KCNIP1: variants seen among roughly 807,000 people sequenced by gnomAD.
KCNIP1 encodes the protein potassium voltage-gated channel interacting protein 1.
In KCNIP1, 18 loss-of-function variants were observed where a neutral mutation model predicts 33.0. The ratio of observed to expected loss-of-function variants is 0.55; its 90% CI spans 0.38 to 0.81. The LOEUF is 0.81. KCNIP1 is among the 30% of genes least tolerant of loss of function. KCNIP1 has a pLI of 0.00. For synonymous variants in KCNIP1, 93 were observed against 98.3 expected, an observed-to-expected ratio of 0.95 and a Z score of 0.32; for missense variants, 238 against 271.6, an observed-to-expected ratio of 0.88 and a Z score of 0.87.
At chr5:170,526,180 G>T (rs1755558954) in intron 1 of KCNIP1, among the ~76,000 whole-genome samples, 1 of 152,268 alleles carries the variant, frequency 6.6e-6, no homozygotes, top group African/African-American at 2.4e-5. Context: ...ACCCTCCTGG[G>T]CACCCCAATA....
chr5:170,606,032 C>G (rs565177333), intron 1 of KCNIP1, among the ~76,000 whole-genome samples: 1 of 152,306 alleles, frequency 6.6e-6, no homozygotes, highest in East Asian at 1.9e-4. Context: ...ACCTCGGCCT[C>G]TCAAAGTGGT....
intron 1 of KCNIP1, among the ~76,000 whole-genome samples, chr5:170,521,302 C>T (rs1459330224): frequency 1.3e-5 from 2 of 152,200 alleles, no homozygotes; most frequent in Admixed American, 1.3e-4. Flanking sequence ...ACATAGTTGA[C>T]ATGGAAGATA....
chr5:170,622,173 G>A (rs143690074), intron 1 of KCNIP1, among the ~76,000 whole-genome samples: 2 of 152,308 alleles, frequency 1.3e-5, no homozygotes, highest in African/African-American at 2.4e-5. Context: ...GGGTGGAGCC[G>A]CGTCCTTCCC....
Position 170,596,768 on chromosome 5 carries a change from G to A in KCNIP1, c.61+92135G>A, listed in dbSNP as rs191412687. Among the ~76,000 whole-genome samples, 40 of 152,246 alleles carry A rather than the reference G, an allele frequency of 2.6e-4. No individual in the cohort carries two copies. The East Asian group carries it at 7.5e-3, about 29-fold the overall frequency. On this transcript the variant is annotated intron_variant, in intron 1 of 7. Coordinates refer to ENST00000328939, the MANE Select transcript of KCNIP1 (RefSeq NM_014592.4). ...GGCCAGAGCTGGAGCTATGATCAGG[G>A]CTAAAATGCATACAGAAAGCACAGA...
chr5:170,710,346 A>T (rs528426578), intron 1 of KCNIP1, among the ~76,000 whole-genome samples: 1 of 152,264 alleles, frequency 6.6e-6, no homozygotes, highest in Non-Finnish European at 1.5e-5. Context: ...TTTTGTATAT[A>T]TTCTGGTTCT....
At chr5:170,405,541 A>G (rs914355430) in intron 1 of KCNIP1, among the ~76,000 whole-genome samples, 3 of 152,194 alleles carry the variant, frequency 2.0e-5, no homozygotes, top group Non-Finnish European at 4.4e-5. Flanking sequence ...GGACTCAGGC[A>G]TCCTTGCAGG....
At chr5:170,451,771 T>TGTGTGTGTGTGTGTG in intron 1 of KCNIP1, among the ~76,000 whole-genome samples, 19 of 50,454 alleles carry the variant, frequency 3.8e-4, no homozygotes, top group African/African-American at 9.3e-4. Flanking sequence ...GTGTGTGTGT[T>TGTGTGTGTGTGTGTG]TGCAGGGGGA....
chr5:170,354,199 G>C (rs753882511), intron 1 of KCNIP1, among the ~76,000 whole-genome samples: 1 of 152,210 alleles, frequency 6.6e-6, no homozygotes, highest in East Asian at 1.9e-4. Context: ...AATGGAGTTG[G>C]TGGTGTGTGG....
chr5:170,706,449 C>G (rs1198090328), intron 1 of KCNIP1, among the ~76,000 whole-genome samples: 1 of 152,206 alleles, frequency 6.6e-6, no homozygotes, highest in South Asian at 2.1e-4. Flanking sequence ...AACTGGAAAA[C>G]TGTATCAATC....
intron 1 of KCNIP1, among the ~76,000 whole-genome samples, chr5:170,419,384 G>A (rs1755418579): frequency 6.6e-6 from 1 of 152,194 alleles, no homozygotes; most frequent in African/African-American, 2.4e-5. Flanking sequence ...CCGGTCCAAT[G>A]CTGTGACCTG....
intron 1 of KCNIP1, among the ~76,000 whole-genome samples, chr5:170,425,505 C>T (rs1561619803): frequency 6.6e-6 from 1 of 152,108 alleles, no homozygotes; most frequent in Non-Finnish European, 1.5e-5. Context: ...TTGGGGTTCC[C>T]TGTATTCATA....
intron 2 of KCNIP1, 119 bp downstream of exon 2, chr5:170,719,001 A>G (rs1763727036): frequency 7.7e-7 from 1 of 1,301,164 alleles, no homozygotes; most frequent in East Asian, 2.6e-5. Flanking sequence ...AAGGAAGGCC[A>G]GCTCTATAAA....
At chr5:170,693,572 G>A (rs1762797375) in intron 1 of KCNIP1, among the ~76,000 whole-genome samples, 1 of 152,166 alleles carries the variant, frequency 6.6e-6, no homozygotes. Flanking sequence ...CCTGGGTATA[G>A]GACCCAGCTC....
intron 1 of KCNIP1, among the ~76,000 whole-genome samples, chr5:170,638,692 T>C (rs764358677): frequency 2.0e-5 from 3 of 151,836 alleles, no homozygotes; most frequent in Non-Finnish European, 2.9e-5. Context: ...GGCAACCCTG[T>C]GTGTTGCATT....
intron 1 of KCNIP1, among the ~76,000 whole-genome samples, chr5:170,626,076 C>T (rs997585938): frequency 2.0e-5 from 3 of 152,110 alleles, no homozygotes; most frequent in African/African-American, 7.2e-5. Context: ...CAGGGCCTTG[C>T]AGGTGATGGG....
chr5:170,475,789 C>G (rs904449191), intron 1 of KCNIP1, among the ~76,000 whole-genome samples: 1 of 151,930 alleles, frequency 6.6e-6, no homozygotes, highest in African/African-American at 2.4e-5. Context: ...ACTAACAGAC[C>G]CAATTTTGTT....
chr5:170,367,396 A>AGAAAG (rs1554086755), intron 1 of KCNIP1, among the ~76,000 whole-genome samples: 1 of 129,120 alleles, frequency 7.7e-6, no homozygotes, highest in African/African-American at 3.1e-5. Context: ...AAAGAAAGAA[A>AGAAAG]GAAAGAAAGA....
intron 1 of KCNIP1, among the ~76,000 whole-genome samples, chr5:170,711,492 G>T (rs927012984): frequency 1.1e-4 from 16 of 152,144 alleles, no homozygotes; most frequent in African/African-American, 3.6e-4. Context: ...GATACATGAC[G>T]TCATGCATTT....
intron 1 of KCNIP1, among the ~76,000 whole-genome samples, chr5:170,542,878 C>T (rs576562011): frequency 2.0e-4 from 31 of 152,230 alleles, no homozygotes; most frequent in African/African-American, 4.8e-4. Flanking sequence ...ACTGAAACTA[C>T]GGGAAGTGAA....
Sources: gnomAD v4.1 joint callset for allele counts (sites outside exome capture counted in the v4.1 genomes callset) on GRCh38, gnomAD v4.1.1 for gene constraint, MANE v1.5 for transcripts, NCBI Gene and HGNC (gene_info 2026-07-23, HGNC 2026-07-21) for gene names.